EFCAB7: variants seen among roughly 807,000 people sequenced by gnomAD.
The protein encoded by EFCAB7 is EF-hand calcium-binding domain-containing protein 7.
In EFCAB7, 66 loss-of-function variants were observed where a neutral mutation model predicts 77.1. The ratio of observed to expected loss-of-function variants is 0.86; its 90% confidence interval spans 0.70 to 1.05. The LOEUF is 1.05. Ranked by LOEUF, EFCAB7 falls within the 50% of genes least tolerant of loss-of-function variation. The probability of loss-of-function intolerance (pLI) is 0.00; values close to 1 mark genes in which losing one functional copy is unlikely to be tolerated. For synonymous variants in EFCAB7, 225 were observed against 243.3 expected (o/e 0.92, Z 0.70); for missense variants, 638 against 730.5 (o/e 0.87, Z 1.46).
intron 2 of EFCAB7, among the ~76,000 whole-genome samples, chr1:63,530,893 T>C (rs908726203): frequency 1.3e-5 from 2 of 152,336 alleles, no homozygotes; most frequent in African/African-American, 4.8e-5. Context: ...ACATTGTATG[T>C]ATTTATGGGG....
chr1:63,545,707 C>T (rs933219018), intron 6 of EFCAB7, among the ~76,000 whole-genome samples: 5 of 152,198 alleles, frequency 3.3e-5, no homozygotes, highest in Admixed American at 3.3e-4. Flanking sequence ...TCCCAAAGTG[C>T]TGGGATTACA....
chr1:63,549,517 A>G, intron 7 of EFCAB7: 2 of 456,788 alleles, frequency 4.4e-6, no homozygotes, highest in South Asian at 1.6e-5. Context: ...TTCCTCATGG[A>G]AAAAGTTTTA....
At position 63,572,436 on chromosome 1, in the gene EFCAB7, G is replaced by A. The variant is rs6588050; in HGVS notation, c.1816-6G>A. ...GAGAGTAAAAGCTTTCTATTTTTAT[G>A]TGCAGGTTTGTCAACATGTAATGCC... On this transcript the variant is annotated splice_polypyrimidine_tract_variant and splice_region_variant and intron_variant, in intron 13 of 13. Coordinates refer to ENST00000371088, the MANE Select transcript of EFCAB7 (RefSeq NM_032437.4). The A allele has an allele frequency of 1.9e-6, 3 of 1,570,136 alleles. No individual in the cohort carries two copies. The highest frequency in any genetic ancestry group is 2.3e-5 in the East Asian group (1 of 43,498).
intron 13 of EFCAB7, 75 bp from the exon 14 acceptor site, chr1:63,572,367 G>A: frequency 8.3e-7 from 1 of 1,204,216 alleles, no homozygotes; most frequent in Non-Finnish European, 1.2e-6. Flanking sequence ...GCCTAGAAAT[G>A]TTGTCCTGTT....
At chr1:63,569,134 T>C (rs1446773523) in intron 12 of EFCAB7, 3 of 152,184 alleles carry the variant, frequency 2.0e-5, no homozygotes, top group Non-Finnish European at 4.4e-5. Context: ...TTATATAAGA[T>C]GGCTAGGTGC....
intron 7 of EFCAB7, chr1:63,548,108 G>A (rs958032473): frequency 9.2e-5 from 14 of 152,522 alleles, no homozygotes; most frequent in African/African-American, 3.4e-4. Flanking sequence ...GAAGGGATGG[G>A]TGAAGAGTGG....
intron 6 of EFCAB7, among the ~76,000 whole-genome samples, chr1:63,543,971 C>CTTTTTTTTT (rs35018430): frequency 2.3e-5 from 3 of 131,134 alleles, no homozygotes; most frequent in African/African-American, 8.5e-5. Flanking sequence ...TTTCTTTTTT[C>CTTTTTTTTT]TTTTTTTTTT....
chr1:63,585,150 G>GT, the EFCAB7 span, among the ~76,000 whole-genome samples: 7,236 of 139,584 alleles, frequency 0.052, 496 homozygotes, highest in African/African-American at 0.18. Context: ...TTTGGAAGAG[G>GT]TTTTTTTTTT....
chr1:63,573,377 AAAACT>A (rs1399957831), downstream of EFCAB7, among the ~76,000 whole-genome samples: 3 of 152,170 alleles, frequency 2.0e-5, no homozygotes, highest in African/African-American at 7.2e-5. Flanking sequence ...TATGAATTGA[AAAACT>A]AAACGGAATA....
chr1:63,532,373 A>G (rs992726699), intron 3 of EFCAB7, among the ~76,000 whole-genome samples: 2 of 152,088 alleles, frequency 1.3e-5, no homozygotes, highest in South Asian at 2.1e-4. Context: ...TTTTTGATAC[A>G]ATGTTAGAAA....
chr1:63,568,223 A>G (rs1384538466), intron 11 of EFCAB7, 87 bp from the exon 12 acceptor site: 1 of 1,143,014 alleles, frequency 8.7e-7, no homozygotes, highest in East Asian at 2.6e-5. Context: ...GCTAGAAGGT[A>G]TAGCATATCT....
chr1:63,551,388 C>A (rs887928792), intron 7 of EFCAB7, among the ~76,000 whole-genome samples: 1 of 152,078 alleles, frequency 6.6e-6, no homozygotes, highest in African/African-American at 2.4e-5. Flanking sequence ...GTCAGGAGAT[C>A]GAGACCATCC....
In EFCAB7 at chr1:63,546,527, G is replaced by A. The variant is rs549887813; in HGVS notation, c.946+470G>A. On this transcript the variant is annotated intron_variant, in intron 7 of 13. Coordinates refer to ENST00000371088, the MANE Select transcript of EFCAB7 (RefSeq NM_032437.4). ...ACTACAGGTGCACACCACCTCGCCC[G>A]CCTAATCTTTTTGTATTTTTAGTAG... 3.5e-3 allele frequency among the ~76,000 whole-genome samples: 531 copies of A among 151,974 alleles called. 1 individual carries two copies. The highest frequency in any genetic ancestry group is 0.01 in the Middle Eastern group (3 of 294).
intron 6 of EFCAB7, among the ~76,000 whole-genome samples, chr1:63,541,804 G>T (rs561972407): frequency 2.6e-5 from 4 of 152,084 alleles, no homozygotes; most frequent in African/African-American, 9.6e-5. Context: ...CTCAGGTGAT[G>T]CACCCACCTT....
intron 8 of EFCAB7, among the ~76,000 whole-genome samples, chr1:63,553,976 A>G (rs1015255430): frequency 1.1e-4 from 17 of 152,112 alleles, no homozygotes; most frequent in Admixed American, 3.9e-4. Flanking sequence ...CTGGGACTAT[A>G]GATGCATTAT....
At chr1:63,530,400 C>G (rs565581038) in intron 2 of EFCAB7, among the ~76,000 whole-genome samples, 2 of 152,064 alleles carry the variant, frequency 1.3e-5, no homozygotes, top group African/African-American at 4.8e-5. Context: ...TATGTTAATT[C>G]CTTCTGTGGT....
chr1:63,584,115 C>G, the EFCAB7 span, among the ~76,000 whole-genome samples: 1 of 152,140 alleles, frequency 6.6e-6, no homozygotes, highest in Non-Finnish European at 1.5e-5. Context: ...AACAAAATGA[C>G]ATGAGACAGT....
At chr1:63,528,489 A>C (rs1300207068) in intron 2 of EFCAB7, among the ~76,000 whole-genome samples, 1 of 152,170 alleles carries the variant, frequency 6.6e-6, no homozygotes, top group Admixed American at 6.5e-5. Flanking sequence ...AGAAAGAATA[A>C]GACCTAGTAT....
At chr1:63,583,308 C>T in the EFCAB7 span, among the ~76,000 whole-genome samples, 6 of 152,220 alleles carry the variant, frequency 3.9e-5, no homozygotes, top group Non-Finnish European at 8.8e-5. Context: ...CTACCCTCCG[C>T]AGCCTTGAAG....
Sources: allele counts gnomAD v4.1 joint callset (sites outside exome capture counted in the v4.1 genomes callset), GRCh38; gene constraint gnomAD v4.1.1; transcripts MANE v1.5; gene names NCBI Gene and HGNC (gene_info 2026-07-23, HGNC 2026-07-21).